The following RAB6A variants were observed in gnomAD, a reference collection of about 807,000 sequenced individuals.
RAB6A encodes the protein RAB6A, member RAS oncogene family, also known as ras-related protein Rab-6A.
A neutral mutation model predicts 32.3 loss-of-function variants in RAB6A; 8 were observed. The observed-to-expected ratio is 0.25, with a 90% confidence interval of 0.15 to 0.45. RAB6A has a LOEUF of 0.45. Ranked by LOEUF, RAB6A falls within the 20% of genes least tolerant of loss-of-function variation. RAB6A has a pLI of 1.00. For synonymous variants in RAB6A, 73 were observed against 82.1 expected, an observed-to-expected ratio of 0.89 and a Z score of 0.60; for missense variants, 104 against 249.4, an observed-to-expected ratio of 0.42 and a Z score of 3.93.
chr11:73,695,581 C>T lies in RAB6A; in HGVS notation c.495+11839G>A, dbSNP rs551190812. ...ATTTTTAGTAGAGATGGGGTTTCACCATGTTGGTCAGGCTGGTCTTGAACT... is the reference window on the plus strand; with the variant it reads ...ATTTTTAGTAGAGATGGGGTTTCACTATGTTGGTCAGGCTGGTCTTGAACT... On this transcript the variant is annotated intron_variant, in intron 6 of 7. Transcript: ENST00000336083. Among the ~76,000 whole-genome samples the T allele has an allele frequency of 6.6e-5, 10 of 152,108 alleles. No individual in the cohort carries two copies. In the South Asian group the frequency reaches 1.9e-3, roughly 28 times the overall value.
intron 1 of RAB6A, among the ~76,000 whole-genome samples, chr11:73,737,732 C>T (rs368977960): frequency 6.6e-6 from 1 of 151,998 alleles, no homozygotes; most frequent in African/African-American, 2.4e-5. Context: ...TGGTGACTCA[C>T]GCCTGTAATC....
chr11:73,715,417 C>T (rs1187806790), intron 5 of RAB6A, among the ~76,000 whole-genome samples: 1 of 152,192 alleles, frequency 6.6e-6, no homozygotes, highest in African/African-American at 2.4e-5. Flanking sequence ...AGCCACCGCA[C>T]CCGGCCTGTA....
intron 6 of RAB6A, among the ~76,000 whole-genome samples, chr11:73,690,353 C>G (rs975309391): frequency 1.3e-5 from 2 of 152,106 alleles, no homozygotes; most frequent in African/African-American, 4.8e-5. Flanking sequence ...TAACTCACTC[C>G]CCAGTTCCTT....
Position 73,677,955 on chromosome 11 carries a change from G to A in RAB6A, c.570C>T (p.Asp190=), listed in dbSNP as rs765960811. The change falls in exon 8 of 8, where the codon GAC becomes GAT. Residue 190 remains aspartate (D), a synonymous_variant. Coordinates refer to ENST00000336083, the MANE Select transcript of RAB6A (RefSeq NM_198896.2). ...TQDRSREDMI[D]IKLEKPQEQP... is the part of the protein sequence containing the mutation. ...GCTCCTGAGGCTTTTCCAGTTTTATGTCAATCACTGAAACAAAAGTTAAGA... is the reference window on the plus strand; with the variant it reads ...GCTCCTGAGGCTTTTCCAGTTTTATATCAATCACTGAAACAAAAGTTAAGA... 2.5e-6 allele frequency: 4 copies of A among 1,614,166 alleles called. No homozygotes were observed. Among genetic ancestry groups the A allele is most frequent in the Non-Finnish European group, 3.4e-6 (4 of 1,180,012 alleles).
intron 1 of RAB6A, among the ~76,000 whole-genome samples, chr11:73,757,129 A>ATATATAT (rs1555070136): frequency 3.3e-5 from 1 of 30,350 alleles, no homozygotes; most frequent in Non-Finnish European, 5.0e-5. Context: ...ATATATATAT[A>ATATATAT]TTTTTTTTTT....
At chr11:73,693,061 G>A (rs1206765036) in intron 6 of RAB6A, among the ~76,000 whole-genome samples, 1 of 152,008 alleles carries the variant, frequency 6.6e-6, no homozygotes, top group African/African-American at 2.4e-5. Context: ...GGGCACAGAG[G>A]CAGATCACCT....
chr11:73,702,640 G>A (rs565673316), intron 6 of RAB6A, among the ~76,000 whole-genome samples: 1 of 152,124 alleles, frequency 6.6e-6, no homozygotes, highest in Non-Finnish European at 1.5e-5. Context: ...ATTACAGAGT[G>A]TATTCTCTGA....
chr11:73,745,479 T>A (rs112058868), intron 1 of RAB6A, among the ~76,000 whole-genome samples: 11 of 152,254 alleles, frequency 7.2e-5, no homozygotes, highest in East Asian at 3.9e-4. Flanking sequence ...GTGCAGTGAC[T>A]AACGCCTATA....
intron 1 of RAB6A, among the ~76,000 whole-genome samples, chr11:73,751,104 G>A (rs1053174022): frequency 1.1e-4 from 16 of 151,904 alleles, no homozygotes; most frequent in African/African-American, 1.7e-4. Flanking sequence ...CATGCCCCCC[G>A]GCCAAAGTGT....
At chr11:73,710,361 G>A (rs1343847580) in intron 5 of RAB6A, among the ~76,000 whole-genome samples, 2 of 151,760 alleles carry the variant, frequency 1.3e-5, no homozygotes, top group Non-Finnish European at 2.9e-5. Flanking sequence ...ATTAAGCAAA[G>A]TATTCATTTA....
intron 6 of RAB6A, among the ~76,000 whole-genome samples, chr11:73,685,593 T>TCTTTTTTTTTTTTTTTTTTTTTTTTTTA (rs1555054180): frequency 3.4e-5 from 5 of 146,966 alleles, no homozygotes; most frequent in African/African-American, 1.3e-4. Flanking sequence ...GGACTGAAAG[T>TCTTTTTTTTTTTTTTTTTTTTTTTTTTA]AGCGACCAGG....
At chr11:73,748,923 A>G (rs1624231) in intron 1 of RAB6A, among the ~76,000 whole-genome samples, 139,087 of 151,968 alleles carry the variant, frequency 0.92, 63,822 homozygotes, top group East Asian at 1. Context: ...TAAGGAGTTC[A>G]AGACCAGCCT....
At chr11:73,722,585 T>C (rs1345702928) in intron 2 of RAB6A, 3 of 146,632 alleles carry the variant, frequency 2.0e-5, no homozygotes, top group Non-Finnish European at 3.0e-5. Flanking sequence ...TCTTCCCCAC[T>C]TGGCCTTCCA....
At chr11:73,723,472 T>C (rs779356146) in intron 2 of RAB6A, among the ~76,000 whole-genome samples, 2 of 151,968 alleles carry the variant, frequency 1.3e-5, no homozygotes, top group Non-Finnish European at 2.9e-5. Context: ...ACTACAGGTG[T>C]GCACCACCAC....
intron 2 of RAB6A, among the ~76,000 whole-genome samples, chr11:73,724,099 T>A: frequency 6.6e-6 from 1 of 152,344 alleles, no homozygotes; most frequent in East Asian, 1.9e-4. Flanking sequence ...CTCATTCACT[T>A]TGCCTTAATA....
chr11:73,739,473 GATTTTTT>G (rs1565374334), intron 1 of RAB6A, among the ~76,000 whole-genome samples: 1 of 148,028 alleles, frequency 6.8e-6, no homozygotes, highest in Non-Finnish European at 1.5e-5. Flanking sequence ...CACTCAGCCT[GATTTTTT>G]ATTTTTTATT....
At chr11:73,678,742 G>A (rs1945307488) in intron 7 of RAB6A, among the ~76,000 whole-genome samples, 1 of 150,752 alleles carries the variant, frequency 6.6e-6, no homozygotes, top group African/African-American at 2.4e-5. Context: ...TTTTTGGGGG[G>A]GGAATGGAGT....
At chr11:73,709,860 C>CAT (rs71065027) in intron 5 of RAB6A, among the ~76,000 whole-genome samples, 115,941 of 146,286 alleles carry the variant, frequency 0.79, 46,184 homozygotes, top group East Asian at 0.86. Flanking sequence ...TACATATATA[C>CAT]ATATATACAC....
At chr11:73,681,187 AAC>A (rs1203671022) in intron 6 of RAB6A, among the ~76,000 whole-genome samples, 10 of 152,182 alleles carry the variant, frequency 6.6e-5, no homozygotes, top group Non-Finnish European at 1.0e-4. Flanking sequence ...AACAAGAAAA[AAC>A]AGTTTTTTAA....
Sources: allele counts gnomAD v4.1 joint callset (sites outside exome capture counted in the v4.1 genomes callset), GRCh38; gene constraint gnomAD v4.1.1; transcripts MANE v1.5; gene names NCBI Gene and HGNC (gene_info 2026-07-23, HGNC 2026-07-21).